Variants in DPYD observed in about 807,000 individuals in gnomAD.
DPYD encodes the protein dihydropyrimidine dehydrogenase [NADP(+)].
Under a neutral mutation model 116.2 loss-of-function variants are expected in DPYD, and 109 were observed. That is an observed-to-expected ratio of 0.94 (90% CI 0.80 to 1.10). DPYD has a LOEUF of 1.10. DPYD is among the 50% of genes least tolerant of loss of function. The pLI, the probability that DPYD is intolerant of heterozygous loss-of-function variation, is 0.00. For missense variants in DPYD, 1,302 were observed against 1,254.5 expected, an observed-to-expected ratio of 1.04 and a Z score of -0.57; for synonymous variants, 440 against 432.0, an observed-to-expected ratio of 1.02 and a Z score of -0.23.
intron 2 of DPYD, among the ~76,000 whole-genome samples, chr1:97,870,969 C>G (rs970265697): frequency 5.9e-5 from 9 of 151,824 alleles, no homozygotes; most frequent in Non-Finnish European, 1.3e-4. Context: ...GCAAAACTCA[C>G]ATATTTATTT....
chr1:97,163,306 C>G (rs186112366), intron 20 of DPYD, among the ~76,000 whole-genome samples: 1 of 152,284 alleles, frequency 6.6e-6, no homozygotes, highest in East Asian at 1.9e-4. Flanking sequence ...ACAACCCCAT[C>G]AAAAAGTGGG....
At chr1:97,781,517 T>A (rs932107398) in intron 3 of DPYD, among the ~76,000 whole-genome samples, 1 of 152,194 alleles carries the variant, frequency 6.6e-6, no homozygotes, top group Non-Finnish European at 1.5e-5. Context: ...AAACCCTTCT[T>A]TAACAACTAG....
intron 1 of DPYD, among the ~76,000 whole-genome samples, chr1:97,894,569 CTTAAT>C (rs1289773662): frequency 6.6e-6 from 1 of 151,420 alleles, no homozygotes; most frequent in South Asian, 2.1e-4. Context: ...TAAAGTATTG[CTTAAT>C]TTAAGAAAAG....
At chr1:97,200,344 T>G (rs1309994304) in intron 19 of DPYD, among the ~76,000 whole-genome samples, 1 of 152,158 alleles carries the variant, frequency 6.6e-6, no homozygotes, top group Non-Finnish European at 1.5e-5. Flanking sequence ...TACTGTAAAT[T>G]CATTAGTAAA....
At chr1:97,874,446 A>G (rs1338826133) in intron 2 of DPYD, among the ~76,000 whole-genome samples, 1 of 151,942 alleles carries the variant, frequency 6.6e-6, no homozygotes, top group Non-Finnish European at 1.5e-5. Context: ...CTAGGTGCAT[A>G]CAGGGTTTTT....
chr1:97,670,213 T>C (rs1659783041), intron 8 of DPYD, among the ~76,000 whole-genome samples: 1 of 152,158 alleles, frequency 6.6e-6, no homozygotes, highest in Non-Finnish European at 1.5e-5. Flanking sequence ...ACATCAATAT[T>C]CTACCTTTAG....
chr1:97,695,735 G>C (rs1359065275), intron 6 of DPYD, among the ~76,000 whole-genome samples: 2 of 152,010 alleles, frequency 1.3e-5, no homozygotes, highest in African/African-American at 4.8e-5. Context: ...ATTTCAAGTG[G>C]AAGAGTGATA....
At chr1:97,906,114 C>G (rs1673604789) in intron 1 of DPYD, among the ~76,000 whole-genome samples, 1 of 152,006 alleles carries the variant, frequency 6.6e-6, no homozygotes, top group Non-Finnish European at 1.5e-5. Context: ...CACACCTGAC[C>G]CATTTCAGCC....
chr1:97,195,700 T>C (rs1320383968), intron 19 of DPYD, among the ~76,000 whole-genome samples: 1 of 111,158 alleles, frequency 9.0e-6, no homozygotes, highest in East Asian at 2.8e-4. Context: ...GCCTAGGAGT[T>C]CTCAGCAAGC....
intron 8 of DPYD, among the ~76,000 whole-genome samples, chr1:97,627,819 A>G (rs558067035): frequency 6.6e-6 from 1 of 151,404 alleles, no homozygotes; most frequent in South Asian, 2.1e-4. Context: ...TAATAGTATT[A>G]TATATTAATA....
chr1:97,467,950 T>C (rs903043238), intron 13 of DPYD, among the ~76,000 whole-genome samples: 5 of 152,146 alleles, frequency 3.3e-5, no homozygotes, highest in Non-Finnish European at 7.4e-5. Flanking sequence ...CTCATAAAAA[T>C]CTGCCCTGAC....
intron 16 of DPYD, among the ~76,000 whole-genome samples, chr1:97,326,127 T>C (rs1668694701): frequency 1.3e-5 from 2 of 151,930 alleles, no homozygotes; most frequent in Non-Finnish European, 2.9e-5. Context: ...TAGGATGTTA[T>C]TTTAAAGATG....
chr1:97,561,300 C>G (rs1051806155), intron 11 of DPYD, among the ~76,000 whole-genome samples: 3 of 152,112 alleles, frequency 2.0e-5, no homozygotes, highest in African/African-American at 7.2e-5. Flanking sequence ...CTTCATGACA[C>G]CTCACAAATA....
chr1:97,282,923 A>G (rs1665419103), intron 18 of DPYD, among the ~76,000 whole-genome samples: 1 of 152,112 alleles, frequency 6.6e-6, no homozygotes, highest in Non-Finnish European at 1.5e-5. Context: ...GTAGTATTCC[A>G]TGGTGTTTAT....
At chr1:97,556,827 T>C (rs1651759645) in intron 11 of DPYD, among the ~76,000 whole-genome samples, 1 of 151,358 alleles carries the variant, frequency 6.6e-6, no homozygotes, top group Non-Finnish European at 1.5e-5. Context: ...CATGTGCATG[T>C]GTCTTTATAG....
chr1:97,376,339 G>A (rs1234091876), intron 15 of DPYD, among the ~76,000 whole-genome samples: 1 of 152,128 alleles, frequency 6.6e-6, no homozygotes, highest in African/African-American at 2.4e-5. Context: ...CAAGCTTGAA[G>A]TAAAAATTAA....
At chr1:97,750,958 G>A (rs1201872135) in intron 3 of DPYD, among the ~76,000 whole-genome samples, 1 of 152,028 alleles carries the variant, frequency 6.6e-6, no homozygotes, top group Admixed American at 6.6e-5. Flanking sequence ...CATAAAAAAG[G>A]GCTGAGGTGG....
intron 12 of DPYD, among the ~76,000 whole-genome samples, chr1:97,535,856 T>G (rs1441665197): frequency 2.0e-5 from 3 of 152,288 alleles, no homozygotes; most frequent in African/African-American, 7.2e-5. Flanking sequence ...AACCTTCACA[T>G]TATTAGGAAT....
chr1:97,568,745 T>C (rs986499544), intron 11 of DPYD, among the ~76,000 whole-genome samples: 1 of 151,904 alleles, frequency 6.6e-6, no homozygotes, highest in African/African-American at 2.4e-5. Context: ...TAGGAGAAAA[T>C]AGTAACTCAT....
Sources: allele counts gnomAD v4.1 joint callset (sites outside exome capture counted in the v4.1 genomes callset), GRCh38; gene constraint gnomAD v4.1.1; transcripts MANE v1.5; gene names NCBI Gene and HGNC (gene_info 2026-07-23, HGNC 2026-07-21).